GLCCI1: variants seen among roughly 807,000 people sequenced by gnomAD.
GLCCI1 encodes the protein glucocorticoid-induced transcript 1 protein.
In GLCCI1, 24 loss-of-function variants were observed where a neutral mutation model predicts 52.2. The ratio of observed to expected loss-of-function variants is 0.46; its 90% CI spans 0.33 to 0.65. The LOEUF (loss-of-function observed/expected upper bound fraction) is 0.65, where lower values mean the gene tolerates loss of function less well. GLCCI1 is among the 30% of genes least tolerant of loss of function. The pLI, the probability that GLCCI1 is intolerant of heterozygous loss-of-function variation, is 0.02. For missense variants in GLCCI1, 704 were observed against 701.5 expected (o/e 1.00, Z -0.04); for synonymous variants, 310 against 276.5 (o/e 1.12, Z -1.20).
chr7:8,071,154 A>G, intron 6 of GLCCI1, 23 bp downstream of exon 6: 2 of 1,594,696 alleles, frequency 1.3e-6, no homozygotes, highest in African/African-American at 2.7e-5. Flanking sequence ...TTGTCCACTT[A>G]GAGGGTTTGT....
At position 8,055,530 on chromosome 7, in the gene GLCCI1, TAAC is replaced by T; in HGVS notation, c.797_799del (p.Thr266del). ...CAGTCACCTCTTCATGGCAACCATA[TAAC>T]AATCAGTCACACTCAGGTAGGCTAA... On this transcript the variant is annotated inframe_deletion, in exon 4 of 8. Transcript: ENST00000223145. The T allele has an allele frequency of 1.2e-6, 2 of 1,605,620 alleles. No homozygotes were observed. The highest frequency in any genetic ancestry group is 1.7e-6 in the Non-Finnish European group (2 of 1,172,216).
chr7:8,009,458 G>C (rs1417891187), intron 2 of GLCCI1, among the ~76,000 whole-genome samples: 2 of 152,090 alleles, frequency 1.3e-5, no homozygotes, highest in Non-Finnish European at 2.9e-5. Context: ...AACTTCCCAG[G>C]TATAGTAATG....
chr7:7,983,010 A>G (rs966004073), intron 1 of GLCCI1, among the ~76,000 whole-genome samples: 1 of 152,184 alleles, frequency 6.6e-6, no homozygotes, highest in Non-Finnish European at 1.5e-5. Context: ...GCTAGTCTTT[A>G]GGACACTTGC....
At chr7:7,980,636 A>C in intron 1 of GLCCI1, 1 of 807,724 alleles carries the variant, frequency 1.2e-6, no homozygotes, top group East Asian at 2.5e-5. Context: ...TTTGAGACAG[A>C]AAACGTCCCA....
At chr7:8,055,253 A>G (rs1036763690) in intron 3 of GLCCI1, among the ~76,000 whole-genome samples, 180 bp from the exon 4 acceptor site, 2 of 152,250 alleles carry the variant, frequency 1.3e-5, no homozygotes, top group Non-Finnish European at 2.9e-5. Context: ...TGTAGCATAT[A>G]TTTACTTCTC....
chr7:8,005,400 G>C (rs1033208647), intron 2 of GLCCI1, among the ~76,000 whole-genome samples: 1 of 152,094 alleles, frequency 6.6e-6, no homozygotes, highest in African/African-American at 2.4e-5. Context: ...GCAGCAAGAG[G>C]AGGAGGGAGT....
chr7:8,040,525 A>AC (rs1554261684), intron 3 of GLCCI1, among the ~76,000 whole-genome samples: 1 of 145,210 alleles, frequency 6.9e-6, no homozygotes, highest in African/African-American at 2.5e-5. Context: ...AGATATAATT[A>AC]ACACACACAC....
intron 6 of GLCCI1, among the ~76,000 whole-genome samples, chr7:8,082,680 C>T (rs1783019914): frequency 6.6e-6 from 1 of 151,976 alleles, no homozygotes; most frequent in Admixed American, 6.6e-5. Context: ...CATTAATACC[C>T]CCAAAAAAAG....
chr7:8,060,152 A>G lies in GLCCI1; in HGVS notation c.870A>G (p.Ser290=). ...MPLSNISVPK[S]SVSRVPCNVE... is the part of the protein sequence containing the mutation. ...TGTCAAATATATCAGTGCCAAAATC[A>G]TCTGTTTCGCGTGTGCCCTGCAATG... Residue 290 remains serine, a synonymous_variant, in exon 5 of 8, where the codon TCA becomes TCG. Transcript: ENST00000223145. 1.2e-6 allele frequency: 2 copies of G among 1,613,832 alleles called. No individual in the cohort carries two copies. Among genetic ancestry groups the G allele is most frequent in the Non-Finnish European group, 1.7e-6 (2 of 1,179,776 alleles).
chr7:8,040,069 C>G (rs985461771), intron 3 of GLCCI1, among the ~76,000 whole-genome samples: 1 of 151,568 alleles, frequency 6.6e-6, no homozygotes, highest in Non-Finnish European at 1.5e-5. Flanking sequence ...TGCACTTTAC[C>G]CCCTAAATCT....
At chr7:8,063,503 T>G (rs879567670) in intron 5 of GLCCI1, among the ~76,000 whole-genome samples, 9 of 152,094 alleles carry the variant, frequency 5.9e-5, no homozygotes, top group Non-Finnish European at 1.3e-4. Context: ...CTCATTGTGG[T>G]TTTGACTTGC....
chr7:7,968,826 A>AGCGGCGGCGGCGGCG lies in GLCCI1; in HGVS notation c.-518_-504dup, dbSNP rs570249106. The AGCGGCGGCGGCGGCG allele has an allele frequency of 1.7e-4, 28 of 160,250 alleles. No individual in the cohort carries two copies. The highest frequency in any genetic ancestry group is 1.5e-3 in the Admixed American group (24 of 15,536). 9.9% of individuals were successfully genotyped at this position (160,250 alleles called of 1,614,324 possible). A position where few individuals can be genotyped will look rare whatever the true frequency, so the allele number is the denominator to read the frequency against. ...CCATTCGGAGTGAGGAGTGGGTAGA[A>AGCGGCGGCGGCGGCG]GCGGCGGCGGCGGCGGCGGCGTTTG... is the stretch of plus-strand genomic sequence containing the variant. On this transcript the variant is annotated 5_prime_UTR_variant, in exon 1 of 8. Coordinates refer to ENST00000223145, the MANE Select transcript of GLCCI1 (RefSeq NM_138426.4).
chr7:8,057,564 G>T (rs970517519), intron 4 of GLCCI1, among the ~76,000 whole-genome samples: 2 of 151,896 alleles, frequency 1.3e-5, no homozygotes, highest in Non-Finnish European at 2.9e-5. Flanking sequence ...AAATTTTTTG[G>T]ATGATAGAGG....
intron 1 of GLCCI1, among the ~76,000 whole-genome samples, chr7:7,991,512 T>A (rs1424919617): frequency 6.6e-6 from 1 of 152,132 alleles, no homozygotes; most frequent in Non-Finnish European, 1.5e-5. Context: ...TTTGTAGAGA[T>A]TCCATAATAT....
chr7:8,029,668 G>T (rs1484778654), intron 3 of GLCCI1, among the ~76,000 whole-genome samples: 1 of 142,816 alleles, frequency 7.0e-6, no homozygotes, highest in Non-Finnish European at 1.5e-5. Context: ...GAAAAACCCA[G>T]ACTCCATCAA....
chr7:8,082,888 A>G (rs1480256710), intron 6 of GLCCI1, among the ~76,000 whole-genome samples: 1 of 152,250 alleles, frequency 6.6e-6, no homozygotes, highest in Non-Finnish European at 1.5e-5. Context: ...AAATACTGAA[A>G]GAATGTGATA....
At position 8,022,512 on chromosome 7, in the gene GLCCI1, A is replaced by G; in HGVS notation, c.639A>G (p.Ala213=). The G allele has an allele frequency of 1.3e-6, 2 of 1,586,394 alleles. No individual in the cohort carries two copies. The highest frequency in any genetic ancestry group is 1.1e-5 in the South Asian group (1 of 87,326). ...QTPSCWAEEG[A]EKRSHQRSAS... ...CTAGCTGTTGGGCAGAAGAGGGTGC[A>G]GAAAAGAGGTCACATCAGCGTTCTG... The change falls in exon 3 of 8, where the codon GCA becomes GCG. Residue 213 remains alanine (A), a synonymous_variant. Transcript: ENST00000223145.
At chr7:8,082,472 GTCTC>G (rs1029938027) in intron 6 of GLCCI1, among the ~76,000 whole-genome samples, 1 of 152,008 alleles carries the variant, frequency 6.6e-6, no homozygotes, top group African/African-American at 2.4e-5. Context: ...CCTATTTACA[GTCTC>G]TCTGATTGCA....
At chr7:8,010,778 G>A (rs1179880048) in intron 2 of GLCCI1, among the ~76,000 whole-genome samples, 1 of 152,042 alleles carries the variant, frequency 6.6e-6, no homozygotes, top group African/African-American at 2.4e-5. Context: ...CACATATTTT[G>A]AGAAATTTTC....
Sources: gnomAD v4.1 joint callset for allele counts (sites outside exome capture counted in the v4.1 genomes callset) on GRCh38, gnomAD v4.1.1 for gene constraint, MANE v1.5 for transcripts, NCBI Gene and HGNC (gene_info 2026-07-23, HGNC 2026-07-21) for gene names.